GPHN: variants seen among roughly 807,000 people sequenced by gnomAD.
The protein encoded by GPHN is gephyrin.
Under a neutral mutation model 95.5 loss-of-function variants are expected in GPHN, and 17 were observed. The ratio of observed to expected loss-of-function variants is 0.18; its 90% CI spans 0.12 to 0.27. The LOEUF (loss-of-function observed/expected upper bound fraction) is 0.27. GPHN is among the 10% of genes least tolerant of loss of function. The pLI is 1.00. For synonymous variants in GPHN, 320 were observed against 322.5 expected, an observed-to-expected ratio of 0.99 and a Z score of 0.08; for missense variants, 660 against 978.1, an observed-to-expected ratio of 0.67 and a Z score of 4.34.
At chr14:66,602,074 G>A (rs561244880) in intron 1 of GPHN, among the ~76,000 whole-genome samples, 1 of 151,858 alleles carries the variant, frequency 6.6e-6, no homozygotes, top group African/African-American at 2.4e-5. Flanking sequence ...TTCATTTTTT[G>A]CGTTTCTGAT....
chr14:66,588,887 A>G (rs187338232), intron 1 of GPHN, among the ~76,000 whole-genome samples: 283 of 152,288 alleles, frequency 1.9e-3, no homozygotes, highest in Non-Finnish European at 3.4e-3. Context: ...AGAGAACACC[A>G]CAAAGATACT....
chr14:67,685,849 C>G, the GPHN span, among the ~76,000 whole-genome samples: 1 of 152,234 alleles, frequency 6.6e-6, no homozygotes, highest in African/African-American at 2.4e-5. Context: ...CTCCTGACTT[C>G]AAGTGATCTG....
chr14:66,782,698 C>T (rs1685645905), intron 3 of GPHN, among the ~76,000 whole-genome samples: 1 of 152,076 alleles, frequency 6.6e-6, no homozygotes, highest in Non-Finnish European at 1.5e-5. Context: ...TGCATGGTGG[C>T]ATGCATCTGT....
At chr14:66,794,544 A>G (rs1371076876) in intron 3 of GPHN, among the ~76,000 whole-genome samples, 1 of 152,214 alleles carries the variant, frequency 6.6e-6, no homozygotes, top group Non-Finnish European at 1.5e-5. Context: ...AAAATATATA[A>G]TTAAAATTCT....
At chr14:66,524,821 C>G (rs28659174) in intron 1 of GPHN, among the ~76,000 whole-genome samples, 1 of 151,816 alleles carries the variant, frequency 6.6e-6, no homozygotes, top group African/African-American at 2.4e-5. Context: ...TGCAAAGGAC[C>G]TGAACTCATC....
chr14:67,403,476 C>T, the GPHN span, among the ~76,000 whole-genome samples: 58 of 152,322 alleles, frequency 3.8e-4, no homozygotes, highest in Middle Eastern at 3.4e-3. Flanking sequence ...TGGTCCCCAG[C>T]TCTATGGCAT....
chr14:67,015,028 T>C (rs2073222963), intron 9 of GPHN, among the ~76,000 whole-genome samples: 1 of 152,244 alleles, frequency 6.6e-6, no homozygotes. Flanking sequence ...CCTTGAGTCA[T>C]GGTGATAACC....
the GPHN span, chr14:67,589,446 AG>A: frequency 1.0e-6 from 1 of 985,396 alleles, no homozygotes; most frequent in Non-Finnish European, 1.2e-6. Context: ...AAAAATGCTG[AG>A]TAACAGAAAA....
chr14:66,814,107 T>G (rs2060870055), intron 3 of GPHN, among the ~76,000 whole-genome samples: 1 of 152,160 alleles, frequency 6.6e-6, no homozygotes, highest in Non-Finnish European at 1.5e-5. Flanking sequence ...CCTCCTCCCT[T>G]GCTGACCACC....
chr14:67,635,808 C>T, the GPHN span, among the ~76,000 whole-genome samples: 10 of 152,014 alleles, frequency 6.6e-5, no homozygotes, highest in African/African-American at 9.7e-5. Flanking sequence ...GCCAAGATCA[C>T]GCCACTTCAC....
intron 1 of GPHN, among the ~76,000 whole-genome samples, chr14:66,580,510 T>TAC (rs2061111981): frequency 6.6e-6 from 1 of 151,714 alleles, no homozygotes; most frequent in Admixed American, 6.6e-5. Context: ...GAGGAGACAT[T>TAC]ACATCTTATA....
At chr14:67,333,064 A>T in the GPHN span, 1 of 969,906 alleles carries the variant, frequency 1.0e-6, no homozygotes, top group South Asian at 1.6e-5. Flanking sequence ...AGGCAGCAGT[A>T]TAAGCTGTAG....
the GPHN span, chr14:67,648,403 T>C: frequency 2.4e-6 from 1 of 411,780 alleles, no homozygotes; most frequent in East Asian, 3.7e-5. Context: ...AAGGTAATAA[T>C]GAGTAAAAAA....
chr14:66,744,221 T>G (rs2058054258), intron 2 of GPHN, among the ~76,000 whole-genome samples: 1 of 152,192 alleles, frequency 6.6e-6, no homozygotes, highest in Non-Finnish European at 1.5e-5. Flanking sequence ...AAAATTTAAT[T>G]TTATTACGCT....
chr14:67,012,806 T>G (rs1003488088), intron 9 of GPHN, among the ~76,000 whole-genome samples: 4 of 152,152 alleles, frequency 2.6e-5, no homozygotes, highest in African/African-American at 9.6e-5. Context: ...TTCCCCATGA[T>G]CTTCATCTGG....
chr14:67,583,795 C>T, the GPHN span: 4 of 1,612,764 alleles, frequency 2.5e-6, no homozygotes, highest in Non-Finnish European at 3.4e-6. Flanking sequence ...AGGCACATCC[C>T]CTGCCAAGGC....
At chr14:66,524,691 C>T (rs535144244) in intron 1 of GPHN, among the ~76,000 whole-genome samples, 1 of 152,196 alleles carries the variant, frequency 6.6e-6, no homozygotes, top group South Asian at 2.1e-4. Context: ...TGTTCCCCTC[C>T]TTGTGTCCAT....
the GPHN span, among the ~76,000 whole-genome samples, chr14:67,468,751 C>T: frequency 9.2e-5 from 14 of 152,064 alleles, no homozygotes; most frequent in East Asian, 1.9e-4. Flanking sequence ...AAAAATTAGC[C>T]GGGCCTGGTG....
At chr14:67,404,409 G>A in the GPHN span, among the ~76,000 whole-genome samples, 6 of 151,662 alleles carry the variant, frequency 4.0e-5, no homozygotes, top group Admixed American at 6.6e-5. Flanking sequence ...GATTGCCCAC[G>A]CCTAAAAGTT....
Sources: gnomAD v4.1 joint callset for allele counts (sites outside exome capture counted in the v4.1 genomes callset) on GRCh38, gnomAD v4.1.1 for gene constraint, MANE v1.5 for transcripts, NCBI Gene and HGNC (gene_info 2026-07-23, HGNC 2026-07-21) for gene names.